Variants in GUCY1A2 observed in about 807,000 individuals in gnomAD.
The protein encoded by GUCY1A2 is guanylate cyclase soluble subunit alpha-2.
GUCY1A2 carries 27 observed loss-of-function variants against 63.5 expected under a neutral mutation model. The ratio of observed to expected loss-of-function variants is 0.43; its 90% confidence interval spans 0.31 to 0.59. The LOEUF is 0.59. Among genes scored for constraint, GUCY1A2 ranks in the 20% least tolerant of loss-of-function variants. GUCY1A2 has a pLI of 0.11. For synonymous variants in GUCY1A2, 364 were observed against 343.5 expected (o/e 1.06, Z -0.66); for missense variants, 768 against 913.3 (o/e 0.84, Z 2.05).
chr11:106,719,887 CA>C (rs1052976130), intron 6 of GUCY1A2, among the ~76,000 whole-genome samples: 2 of 152,164 alleles, frequency 1.3e-5, no homozygotes, highest in African/African-American at 4.8e-5. Context: ...CTGCAGGATC[CA>C]AGTAATTTAT....
intron 7 of GUCY1A2, among the ~76,000 whole-genome samples, chr11:106,707,309 T>G (rs1001949263): frequency 6.6e-6 from 1 of 152,188 alleles, no homozygotes. Flanking sequence ...ACCCTCTAAT[T>G]TGGTATCAAA....
intron 4 of GUCY1A2, among the ~76,000 whole-genome samples, chr11:106,907,997 A>G (rs1860236970): frequency 6.6e-6 from 1 of 152,188 alleles, no homozygotes; most frequent in Non-Finnish European, 1.5e-5. Context: ...CAATCCAAAT[A>G]CAATAATGAA....
intron 5 of GUCY1A2, among the ~76,000 whole-genome samples, chr11:106,778,661 C>T (rs1864404982): frequency 2.0e-5 from 3 of 150,692 alleles, no homozygotes; most frequent in Admixed American, 6.6e-5. Flanking sequence ...ACTCCATCAT[C>T]TCAAAAAAAA....
intron 2 of GUCY1A2, 126 bp downstream of exon 2, chr11:106,985,944 T>C: frequency 1.5e-6 from 1 of 676,462 alleles, no homozygotes; most frequent in South Asian, 1.8e-5. Flanking sequence ...CGCCCCACAC[T>C]ATGAAAACAT....
intron 6 of GUCY1A2, among the ~76,000 whole-genome samples, chr11:106,755,657 T>C (rs1863960380): frequency 1.3e-5 from 2 of 152,188 alleles, no homozygotes; most frequent in Non-Finnish European, 2.9e-5. Flanking sequence ...TTGTGCGGTT[T>C]TGAGTGAGTT....
chr11:106,797,460 C>A (rs1445705486), intron 5 of GUCY1A2, among the ~76,000 whole-genome samples: 1 of 152,250 alleles, frequency 6.6e-6, no homozygotes, highest in East Asian at 1.9e-4. Flanking sequence ...CTCTACACCC[C>A]AAATCAACAA....
chr11:106,772,169 T>A (rs1168936689), intron 6 of GUCY1A2, among the ~76,000 whole-genome samples: 1 of 152,216 alleles, frequency 6.6e-6, no homozygotes, highest in Non-Finnish European at 1.5e-5. Flanking sequence ...CAATTGTATA[T>A]GACAATTTTG....
chr11:106,856,289 C>CA (rs1467146366), intron 4 of GUCY1A2, among the ~76,000 whole-genome samples: 1 of 151,492 alleles, frequency 6.6e-6, no homozygotes, highest in Non-Finnish European at 1.5e-5. Context: ...GACTCCATCT[C>CA]AAAAAAAGAA....
At position 106,915,725 on chromosome 11, in the gene GUCY1A2, T is replaced by C. The variant is rs1343719314; in HGVS notation, c.1206+23735A>G. Among the ~76,000 whole-genome samples, 2 of 145,024 alleles carry C rather than the reference T, an allele frequency of 1.4e-5. 1 individual carries two copies. Among genetic ancestry groups the C allele is most frequent in the Non-Finnish European group, 3.1e-5 (2 of 64,576 alleles). On this transcript the variant is annotated intron_variant, in intron 4 of 7. Coordinates refer to ENST00000526355, the MANE Select transcript of GUCY1A2 (RefSeq NM_000855.3). ...TCGTTCAACCCAATTTTAATATAAA[T>C]GAGCCACGTAAACCAAGTGAAAAAG...
chr11:106,957,092 T>C (rs977889898), intron 3 of GUCY1A2, among the ~76,000 whole-genome samples: 1 of 152,186 alleles, frequency 6.6e-6, no homozygotes, highest in Non-Finnish European at 1.5e-5. Context: ...TGTTGGGCTG[T>C]GGGGACAAGT....
intron 6 of GUCY1A2, among the ~76,000 whole-genome samples, chr11:106,730,408 G>C (rs1191660650): frequency 6.6e-6 from 1 of 151,810 alleles, no homozygotes; most frequent in Non-Finnish European, 1.5e-5. Flanking sequence ...TACAATAATG[G>C]CTTCAGCTCC....
At chr11:106,912,789 C>T (rs1565329567) in intron 4 of GUCY1A2, among the ~76,000 whole-genome samples, 2 of 152,128 alleles carry the variant, frequency 1.3e-5, no homozygotes, top group East Asian at 3.9e-4. Context: ...GTTAACTGTG[C>T]CCTTTAATGA....
chr11:106,761,451 G>A (rs1279171285), intron 6 of GUCY1A2, among the ~76,000 whole-genome samples: 2 of 152,090 alleles, frequency 1.3e-5, no homozygotes, highest in African/African-American at 2.4e-5. Context: ...TAGTTGCAAC[G>A]TTTTTTCAGA....
At chr11:106,820,241 A>C (rs1858883939) in intron 4 of GUCY1A2, among the ~76,000 whole-genome samples, 1 of 152,136 alleles carries the variant, frequency 6.6e-6, no homozygotes, top group African/African-American at 2.4e-5. Context: ...TAATGTCTGC[A>C]TTTATAATAA....
intron 4 of GUCY1A2, among the ~76,000 whole-genome samples, chr11:106,898,963 T>C (rs1860089336): frequency 6.6e-6 from 1 of 152,200 alleles, no homozygotes; most frequent in African/African-American, 2.4e-5. Flanking sequence ...AGAAGGTATA[T>C]GGGACATCTC....
rs1862469903 is a variant in GUCY1A2 at position 106,683,680 on chromosome 11, G to T, written c.*3869C>A. On this transcript the variant is annotated 3_prime_UTR_variant, in exon 8 of 8. Coordinates refer to ENST00000526355, the MANE Select transcript of GUCY1A2 (RefSeq NM_000855.3). ...TCTAGTGACAGAATGGAGTAAGAAA[G>T]GGTCCAGAATGGACTGAGTCATTCT... The T allele has an allele frequency of 8.8e-6, 2 of 226,274 alleles. No individual in the cohort carries two copies. The highest frequency in any genetic ancestry group is 1.8e-5 in the Non-Finnish European group (2 of 113,690). The allele number at this position is 226,274 out of a possible 1,614,324, so 14.0% of individuals were successfully genotyped here.
intron 3 of GUCY1A2, among the ~76,000 whole-genome samples, chr11:106,949,859 G>A (rs184118387): frequency 1.3e-3 from 195 of 152,288 alleles, no homozygotes; most frequent in African/African-American, 4.5e-3. Context: ...CTTTGGTACC[G>A]TGCCTTGTCT....
intron 6 of GUCY1A2, among the ~76,000 whole-genome samples, chr11:106,743,392 G>C (rs1863731472): frequency 6.6e-6 from 1 of 152,174 alleles, no homozygotes; most frequent in African/African-American, 2.4e-5. Context: ...TTACAGTGGT[G>C]ATAATGATGA....
intron 4 of GUCY1A2, among the ~76,000 whole-genome samples, chr11:106,867,752 C>T (rs938655100): frequency 2.0e-5 from 3 of 152,036 alleles, no homozygotes; most frequent in South Asian, 4.1e-4. Context: ...GTGCAGATCA[C>T]TGAATCGTTG....
Sources: gnomAD v4.1 joint callset for allele counts (sites outside exome capture counted in the v4.1 genomes callset) on GRCh38, gnomAD v4.1.1 for gene constraint, MANE v1.5 for transcripts, NCBI Gene and HGNC (gene_info 2026-07-23, HGNC 2026-07-21) for gene names.